Variants in NUP133 observed in about 807,000 individuals in gnomAD.
NUP133 encodes nucleoporin 133.
Under a neutral mutation model 146.2 loss-of-function variants are expected in NUP133, and 66 were observed. That is an observed-to-expected ratio of 0.45 (90% CI 0.37 to 0.55). The LOEUF is 0.55. NUP133 is among the 20% of genes least tolerant of loss of function. The probability of loss-of-function intolerance (pLI) is 0.00; values close to 1 mark genes in which losing one functional copy is unlikely to be tolerated. For missense variants in NUP133, 1,277 were observed against 1,374.8 expected, an observed-to-expected ratio of 0.93 and a Z score of 1.12; for synonymous variants, 521 against 498.8, an observed-to-expected ratio of 1.04 and a Z score of -0.59.
At position 229,441,846 on chromosome 1, in the gene NUP133, A is replaced by AT. The variant is rs1445722314; in HGVS notation, c.*57dup. On this transcript the variant is annotated 3_prime_UTR_variant, in exon 26 of 26. Coordinates refer to ENST00000261396, the MANE Select transcript of NUP133 (RefSeq NM_018230.3). ...AACTTACACTTGTTTATGGCCTAAA[A>AT]TTTGTATAAGGACACACTTATACAG... The AT allele has an allele frequency of 7.1e-7, 1 of 1,403,760 alleles. No individual in the cohort carries two copies. The highest frequency in any genetic ancestry group is 9.5e-7 in the Non-Finnish European group (1 of 1,047,778). 87.0% of individuals were successfully genotyped at this position (1,403,760 alleles called of 1,614,324 possible). A position where few individuals can be genotyped will look rare whatever the true frequency, so the allele number is the denominator to read the frequency against.
intron 14 of NUP133, among the ~76,000 whole-genome samples, chr1:229,473,609 C>T (rs935727022): frequency 6.6e-5 from 10 of 152,180 alleles, no homozygotes; most frequent in African/African-American, 2.4e-4. Context: ...ATGAGAATGA[C>T]TTTGCCACTC....
chr1:229,463,455 A>G (rs1660736571), intron 19 of NUP133, 88 bp downstream of exon 19: 2 of 1,377,192 alleles, frequency 1.5e-6, no homozygotes, highest in Non-Finnish European at 2.0e-6. Flanking sequence ...CATATTCCAA[A>G]AGCCCTGATT....
At chr1:229,483,925 C>T in intron 12 of NUP133, 129 bp downstream of exon 12, 1 of 621,778 alleles carries the variant, frequency 1.6e-6, no homozygotes, top group South Asian at 2.2e-5. Flanking sequence ...AGTGCTAAAG[C>T]TCAAAAAAAC....
At chr1:229,462,460 C>T (rs1303074574) in intron 19 of NUP133, among the ~76,000 whole-genome samples, 1 of 151,982 alleles carries the variant, frequency 6.6e-6, no homozygotes, top group Non-Finnish European at 1.5e-5. Flanking sequence ...TACAATATCA[C>T]TTTTACAGTA....
intron 2 of NUP133, among the ~76,000 whole-genome samples, chr1:229,505,564 T>TAAAAAAAA (rs56383157): frequency 1.6e-4 from 10 of 63,242 alleles, no homozygotes; most frequent in East Asian, 5.1e-4. Context: ...CAATTACAGT[T>TAAAAAAAA]AAAAAAAAAA....
chr1:229,503,109 T>C (rs1481309234), intron 2 of NUP133, among the ~76,000 whole-genome samples: 3 of 150,698 alleles, frequency 2.0e-5, no homozygotes, highest in Non-Finnish European at 4.4e-5. Context: ...CTACCAAAAA[T>C]AGAAAAAAAA....
Position 229,470,713 on chromosome 1 carries a change from G to A in NUP133, c.1943C>T (p.Ser648Leu). 1 of 1,614,208 alleles carries A rather than the reference G, an allele frequency of 6.2e-7. No individual in the cohort carries two copies. Among genetic ancestry groups the A allele is most frequent in the Non-Finnish European group, 8.5e-7 (1 of 1,180,038 alleles). Residue 648 changes from serine (S) to leucine (L), a missense_variant, in exon 15 of 26, where the codon TCA becomes TTA. Coordinates refer to ENST00000261396, the MANE Select transcript of NUP133 (RefSeq NM_018230.3). The part of the protein sequence containing the change: ...LLLCEHAEKL[S>L]AAIVLKNHHS... ...GTGGTTCTTGAGAACAATGGCGGCT[G>A]ACAGCTTTTCGGCATGCTCACAGAG...
chr1:229,481,305 T>C (rs1393733814), intron 12 of NUP133, among the ~76,000 whole-genome samples: 1 of 152,156 alleles, frequency 6.6e-6, no homozygotes, highest in Non-Finnish European at 1.5e-5. Context: ...TCCCACAAAT[T>C]CATATCTACC....
intron 16 of NUP133, 132 bp downstream of exon 16, chr1:229,466,502 C>G: frequency 1.2e-6 from 1 of 868,322 alleles, no homozygotes; most frequent in Non-Finnish European, 1.7e-6. Context: ...ATTTTTCTAA[C>G]TTTTTTGGGA....
chr1:229,452,497 T>G (rs1267787284), intron 22 of NUP133, 28 bp downstream of exon 22: 1 of 1,548,916 alleles, frequency 6.5e-7, no homozygotes. Flanking sequence ...GTTTAAGAAA[T>G]AGCGTTAAGG....
At chr1:229,506,318 AAAC>A (rs1661935057) in intron 1 of NUP133, among the ~76,000 whole-genome samples, 160 bp from the exon 2 acceptor site, 4 of 152,140 alleles carry the variant, frequency 2.6e-5, no homozygotes, top group Admixed American at 2.0e-4. Flanking sequence ...TGTAAAAAAA[AAAC>A]AAAACAGGAT....
At chr1:229,493,693 G>A (rs904989171) in intron 8 of NUP133, among the ~76,000 whole-genome samples, 5 of 152,216 alleles carry the variant, frequency 3.3e-5, no homozygotes, top group Non-Finnish European at 7.3e-5. Flanking sequence ...GAAGGTCAAG[G>A]AGGATAAGGG....
At chr1:229,497,262 TAG>T (rs1312773767) in intron 6 of NUP133, among the ~76,000 whole-genome samples, 1 of 152,086 alleles carries the variant, frequency 6.6e-6, no homozygotes, top group African/African-American at 2.4e-5. Context: ...TAGTTTGCTA[TAG>T]AAGGAGAGGG....
chr1:229,495,798 G>T, intron 7 of NUP133, 94 bp downstream of exon 7: 1 of 1,121,768 alleles, frequency 8.9e-7, no homozygotes, highest in Non-Finnish European at 1.3e-6. Flanking sequence ...TTATTACACT[G>T]AAATGTGTTG....
At chr1:229,466,597 G>C (rs757589845) in intron 16 of NUP133, 37 bp downstream of exon 16, 17 of 1,611,702 alleles carry the variant, frequency 1.1e-5, no homozygotes, top group Non-Finnish European at 1.4e-5. Flanking sequence ...CATGCCCTGG[G>C]CTTTGATTTG....
chr1:229,449,190 C>T lies in NUP133; in HGVS notation c.3181G>A (p.Glu1061Lys). 1 of 1,598,458 alleles carries T rather than the reference C, an allele frequency of 6.3e-7. No homozygotes were observed. Among genetic ancestry groups the T allele is most frequent in the Non-Finnish European group, 8.5e-7 (1 of 1,170,746 alleles). Reference protein sequence around the residue: ...ALDLLEYIDEEEDININDLKL... With the variant: ...ALDLLEYIDEKEDININDLKL... ...AGATCATTTATATTTATATCTTCTTCCTTCACAGCAAAACAAAAAAAATCC... is the reference window on the plus strand; with the variant it reads ...AGATCATTTATATTTATATCTTCTTTCTTCACAGCAAAACAAAAAAAATCC... Residue 1061 changes from glutamate to lysine, a missense_variant and splice_region_variant, in exon 24 of 26, where the codon GAA (glutamate) becomes AAA (lysine). By Grantham distance (56) the Glu-to-Lys change is moderately conservative (BLOSUM62 1). Around this residue, in one of 3 missense-constraint regions of NUP133, gnomAD observed 952 missense variants for 1,047.0 expected, o/e 0.91. Coordinates refer to ENST00000261396, the MANE Select transcript of NUP133 (RefSeq NM_018230.3).
intron 6 of NUP133, among the ~76,000 whole-genome samples, chr1:229,497,280 CA>C (rs1327119191): frequency 6.6e-6 from 1 of 151,826 alleles, no homozygotes. Context: ...GAGGGAGACA[CA>C]AAAAATAACA....
intron 12 of NUP133, among the ~76,000 whole-genome samples, chr1:229,480,789 C>A (rs981536995): frequency 6.6e-6 from 1 of 151,674 alleles, no homozygotes; most frequent in African/African-American, 2.4e-5. Context: ...TGGGTTCAAG[C>A]GATTCTCCTG....
Position 229,483,843 on chromosome 1 carries a change from C to T in NUP133, c.1592+211G>A, listed in dbSNP as rs145661179. On this transcript the variant is annotated intron_variant, in intron 12 of 25. Coordinates refer to ENST00000261396, the MANE Select transcript of NUP133 (RefSeq NM_018230.3). ...TGAAGTGGAGAGAGTATGTTAGAGC[C>T]CATGTTTTTTCCCTAACCTAGCTAG... 7.6e-4 allele frequency among the ~76,000 whole-genome samples: 115 copies of T among 151,978 alleles called. 1 individual carries two copies. In the East Asian group the frequency reaches 0.02, roughly 27 times the overall value.
Sources: allele counts gnomAD v4.1 joint callset (sites outside exome capture counted in the v4.1 genomes callset), GRCh38; gene constraint gnomAD v4.1.1; regional missense constraint gnomAD v4.1.1; transcripts MANE v1.5; gene names NCBI Gene and HGNC (gene_info 2026-07-23, HGNC 2026-07-21).